PACRGL: variants seen among roughly 807,000 people sequenced by gnomAD.
The protein encoded by PACRGL is PACRG-like protein.
In PACRGL, 38 loss-of-function variants were observed where a neutral mutation model predicts 34.5. That is an observed-to-expected ratio of 1.10 (90% CI 0.85 to 1.44). PACRGL has a LOEUF of 1.44. PACRGL is among the 40% of genes most tolerant of loss of function. The pLI, the probability that PACRGL is intolerant of heterozygous loss-of-function variation, is 0.00. For missense variants in PACRGL, 305 were observed against 281.4 expected, an observed-to-expected ratio of 1.08 and a Z score of -0.60; for synonymous variants, 128 against 100.1, an observed-to-expected ratio of 1.28 and a Z score of -1.66.
In PACRGL at chr4:20,720,613, G is replaced by C. The variant is rs536377706; in HGVS notation, c.610-4195G>C. ...TTAGTTTGGCTGGATATGAAATTTT[G>C]GGTTGAAAATTCTTTTCTTTAAGGA... On this transcript the variant is annotated intron_variant, in intron 7 of 8. Transcript: ENST00000503585. Among the ~76,000 whole-genome samples, 9 of 152,228 alleles carry C rather than the reference G, an allele frequency of 5.9e-5. No individual in the cohort carries two copies. In the South Asian group the frequency reaches 1.9e-3, roughly 32 times the overall value.
At chr4:20,696,675 T>C (rs1731256821), upstream of PACRGL, among the ~76,000 whole-genome samples, 1 of 152,258 alleles carries the variant, frequency 6.6e-6, no homozygotes, top group Non-Finnish European at 1.5e-5. Context: ...GTATGTACTC[T>C]CTAGCTATTT....
At chr4:20,732,631 G>GA, downstream of PACRGL, 1 of 1,220,500 alleles carries the variant, frequency 8.2e-7, no homozygotes, top group Non-Finnish European at 1.2e-6. Context: ...CAAACATCAG[G>GA]AAATTTTCTC....
chr4:20,734,582 A>G (rs1406623397), downstream of PACRGL: 1 of 910,066 alleles, frequency 1.1e-6, no homozygotes, highest in Non-Finnish European at 1.6e-6. Context: ...AAGTTAAGAA[A>G]TGAAAATGGT....
At chr4:20,709,088 A>G (rs1310058438) in intron 4 of PACRGL, among the ~76,000 whole-genome samples, 1 of 152,156 alleles carries the variant, frequency 6.6e-6, no homozygotes, top group Non-Finnish European at 1.5e-5. Context: ...GCGGTGAGCC[A>G]AGATCGCGCC....
At chr4:20,759,536 G>C in the PACRGL span, among the ~76,000 whole-genome samples, 3 of 152,174 alleles carry the variant, frequency 2.0e-5, no homozygotes, top group Non-Finnish European at 4.4e-5. Context: ...ACTTGTCAAA[G>C]AATGATGGAC....
Position 20,727,321 on chromosome 4 carries a change from T to C in PACRGL, c.727T>C (p.Tyr243His), listed in dbSNP as rs760216144. ...CATCATCAAATCTAAAATTCCAACATACTGCTCCATATGCTGTTGAAGAAG... is the reference window on the plus strand; with the variant it reads ...CATCATCAAATCTAAAATTCCAACACACTGCTCCATATGCTGTTGAAGAAG... ...LSIIKSKIPT[Y>H]CSICC is the part of the protein sequence containing the mutation. Residue 243 changes from tyrosine to histidine, a missense_variant, in exon 9 of 9, where the codon TAC becomes CAC. Tyr to His is a moderately conservative substitution (Grantham distance 83). Coordinates refer to ENST00000503585, the MANE Select transcript of PACRGL (RefSeq NM_001258345.3). 1.2e-5 allele frequency: 20 copies of C among 1,612,830 alleles called. No individual in the cohort carries two copies. The South Asian group carries it at 2.2e-4, about 18-fold the overall frequency.
chr4:20,722,211 G>C (rs1743631963), intron 7 of PACRGL, among the ~76,000 whole-genome samples: 1 of 152,220 alleles, frequency 6.6e-6, no homozygotes. Flanking sequence ...CGATATTCCA[G>C]GTGCCATCTG....
At chr4:20,766,422 C>A in the PACRGL span, among the ~76,000 whole-genome samples, 15,089 of 152,064 alleles carry the variant, frequency 0.099, 1,083 homozygotes, top group African/African-American at 0.21. Flanking sequence ...AAAAATTAGC[C>A]AGGCGTGGTG....
rs751129608 is a variant in PACRGL at position 20,713,552 on chromosome 4, A to C, written c.609+13A>C. ...TCTGCTTACAAGCGTAAGTACTGCA[A>C]AGATTAGATAATGATTGACTGTATG... On this transcript the variant is annotated intron_variant, in intron 7 of 8. Coordinates refer to ENST00000503585, the MANE Select transcript of PACRGL (RefSeq NM_001258345.3). The C allele has an allele frequency of 1.3e-6, 2 of 1,568,902 alleles. No individual in the cohort carries two copies. Among genetic ancestry groups the C allele is most frequent in the South Asian group, 2.2e-5 (2 of 90,062 alleles).
Position 20,700,659 on chromosome 4 carries a change from A to G in PACRGL, c.-145A>G, listed in dbSNP as rs1731751893. On this transcript the variant is annotated 5_prime_UTR_variant, in exon 1 of 9. Coordinates refer to ENST00000503585, the MANE Select transcript of PACRGL (RefSeq NM_001258345.3). The stretch of plus-strand genomic sequence containing the variant: ...CTCTGCCAAGCCGGCTTGCTTCCTG[A>G]TCTGTTGCTAGGGCCGCTGGACCCC... The G allele has an allele frequency of 6.6e-6, 1 of 151,600 alleles. No homozygotes were observed. Among genetic ancestry groups the G allele is most frequent in the South Asian group, 2.1e-4 (1 of 4,802 alleles). The allele number at this position is 151,600 out of a possible 1,614,324, so 9.4% of individuals were successfully genotyped here. A position where few individuals can be genotyped will look rare whatever the true frequency, so the allele number is the denominator to read the frequency against.
downstream of PACRGL, chr4:20,734,794 A>AAAC: frequency 1.1e-6 from 1 of 951,224 alleles, no homozygotes; most frequent in South Asian, 1.6e-5. Flanking sequence ...AAAACAAAAA[A>AAAC]AACAAATGAT....
At chr4:20,733,759 A>G (rs1485434314), downstream of PACRGL, among the ~76,000 whole-genome samples, 6 of 152,194 alleles carry the variant, frequency 3.9e-5, no homozygotes, top group African/African-American at 1.2e-4. Flanking sequence ...CATGAACACA[A>G]TAGCCATAAG....
chr4:20,741,787 G>T (rs10003206), intron 8 of PACRGL, among the ~76,000 whole-genome samples: 109,156 of 151,966 alleles, frequency 0.72, 39,369 homozygotes, highest in African/African-American at 0.79. Context: ...AGGAGCTGGT[G>T]TTTTGAAAAG....
At chr4:20,757,320 T>C (rs1362233990), downstream of PACRGL, among the ~76,000 whole-genome samples, 1 of 152,198 alleles carries the variant, frequency 6.6e-6, no homozygotes, top group Non-Finnish European at 1.5e-5. Context: ...AGTAATCTTC[T>C]AATTAGTCTC....
At chr4:20,720,307 T>C (rs889442863) in intron 7 of PACRGL, among the ~76,000 whole-genome samples, 1 of 152,234 alleles carries the variant, frequency 6.6e-6, no homozygotes, top group Non-Finnish European at 1.5e-5. Flanking sequence ...TGTCTTTTAA[T>C]TGGAGCATTT....
Position 20,717,539 on chromosome 4 carries a change from G to T in PACRGL, c.609+4000G>T, listed in dbSNP as rs1224981017. 2.2e-4 allele frequency among the ~76,000 whole-genome samples: 34 copies of T among 152,250 alleles called. No individual in the cohort carries two copies. The South Asian group carries it at 3.7e-3, about 17-fold the overall frequency. On this transcript the variant is annotated intron_variant, in intron 7 of 8. Transcript: ENST00000503585. ...AGTGTAAGGAAGGGATCCAGTTTCA[G>T]CTTTCTCCATATGGCTAGCCAGTTT...
upstream of PACRGL, chr4:20,696,631 A>T (rs1374471558): frequency 2.0e-5 from 3 of 152,230 alleles, no homozygotes; most frequent in Non-Finnish European, 2.9e-5. Context: ...ATTTGGATTG[A>T]TTCTCCAACA....
Position 20,730,085 on chromosome 4 carries a change from A to G in PACRGL, c.*2744A>G. 4.4e-6 allele frequency: 7 copies of G among 1,608,720 alleles called. No homozygotes were observed. Among genetic ancestry groups the G allele is most frequent in the Non-Finnish European group, 5.1e-6 (6 of 1,178,274 alleles). ...GATTCAGGATCTATTTGACAAGTTA[A>G]ATCACATTTTCAAAGAGCTGCATGG... is the stretch of plus-strand genomic sequence containing the variant. On this transcript the variant is annotated 3_prime_UTR_variant, in exon 9 of 9. Coordinates refer to ENST00000503585, the MANE Select transcript of PACRGL (RefSeq NM_001258345.3).
downstream of PACRGL, among the ~76,000 whole-genome samples, chr4:20,756,470 C>T (rs1215787270): frequency 6.6e-6 from 1 of 152,134 alleles, no homozygotes; most frequent in Non-Finnish European, 1.5e-5. Flanking sequence ...AAACAATGTC[C>T]AGTCTTTTCT....
Sources: gnomAD v4.1 joint callset for allele counts (sites outside exome capture counted in the v4.1 genomes callset) on GRCh38, gnomAD v4.1.1 for gene constraint, MANE v1.5 for transcripts, NCBI Gene and HGNC (gene_info 2026-07-23, HGNC 2026-07-21) for gene names.